The following SEC14L1 variants were observed in gnomAD, a reference collection of about 807,000 sequenced individuals.
The protein encoded by SEC14L1 is SEC14-like protein 1.
SEC14L1 carries 48 observed loss-of-function variants against 85.3 expected under a neutral mutation model. That is an observed-to-expected ratio of 0.56 (90% confidence interval 0.45 to 0.72). The LOEUF (loss-of-function observed/expected upper bound fraction) is 0.72, where lower values mean the gene tolerates loss of function less well. Among genes scored for constraint, SEC14L1 ranks in the 30% least tolerant of loss-of-function variants. The pLI is 0.00. For synonymous variants in SEC14L1, 391 were observed against 355.5 expected (o/e 1.10, Z -1.12); for missense variants, 682 against 921.4 (o/e 0.74, Z 3.36).
intron 3 of SEC14L1, among the ~76,000 whole-genome samples, chr17:77,127,260 G>A (rs1446622783): frequency 6.6e-6 from 1 of 152,092 alleles, no homozygotes; most frequent in African/African-American, 2.4e-5. Flanking sequence ...TCCTGGGTTA[G>A]TTTTCTGAGG....
In SEC14L1 at chr17:77,213,410, G is replaced by A. The variant is rs776943334; in HGVS notation, c.1960G>A (p.Asp654Asn). The change falls in exon 16 of 17, where the codon GAC becomes AAC. Residue 654 changes from aspartate to asparagine, a missense_variant. Around this residue, in one of 3 missense-constraint regions of SEC14L1, gnomAD observed 420 missense variants for 619.5 expected, o/e 0.68. Transcript: ENST00000436233. This position sits in a 1 kb window ranked among gnomAD's most constrained non-coding sequence, Gnocchi z 7.1. The part of the protein sequence containing the change: ...CAASSLPRVD[D>N]VLASLQVSSH... ...CGCCAGCAGCCTTCCCCGGGTGGAC[G>A]ACGTGCTTGCGTCCCTGCAGGTCTC... The A allele has an allele frequency of 3.5e-5, 57 of 1,613,274 alleles. No homozygotes were observed. Among genetic ancestry groups the A allele is most frequent in the Non-Finnish European group, 4.5e-5 (53 of 1,180,026 alleles).
At chr17:77,177,523 GA>G (rs1974814502) in intron 3 of SEC14L1, among the ~76,000 whole-genome samples, 1 of 151,880 alleles carries the variant, frequency 6.6e-6, no homozygotes, top group Admixed American at 6.6e-5. Context: ...TACTTTAAGA[GA>G]AAATATTCCA....
At position 77,095,511 on chromosome 17, in the gene SEC14L1, G is replaced by A. The variant is rs188746851; in HGVS notation, c.-136+2164G>A. Among the ~76,000 whole-genome samples the A allele has an allele frequency of 3.1e-3, 468 of 152,302 alleles. 2 individuals carry two copies. Among genetic ancestry groups the A allele is most frequent in the Middle Eastern group, 6.8e-3 (2 of 294 alleles). On this transcript the variant is annotated intron_variant, in intron 3 of 19. Coordinates refer to the SEC14L1 transcript ENST00000392476. ...CAATGAACCTGCTTGCCTTTTCTCT[G>A]TCACTAGACCCCAAGACAATGAAGA...
intron 3 of SEC14L1, among the ~76,000 whole-genome samples, chr17:77,170,065 T>C (rs1291159327): frequency 6.6e-6 from 1 of 152,182 alleles, no homozygotes; most frequent in East Asian, 1.9e-4. Context: ...CAAAGGTACT[T>C]TTCTGAAGAG....
At chr17:77,105,411 G>T (rs1319747296) in intron 3 of SEC14L1, among the ~76,000 whole-genome samples, 1 of 123,740 alleles carries the variant, frequency 8.1e-6, no homozygotes, top group Non-Finnish European at 1.6e-5. Context: ...GTTCAAGGAG[G>T]TCCCATTTGC....
chr17:77,097,521 G>A (rs959954421), intron 3 of SEC14L1, among the ~76,000 whole-genome samples: 2 of 151,058 alleles, frequency 1.3e-5, no homozygotes, highest in Non-Finnish European at 2.9e-5. Context: ...CCGGGATTGT[G>A]CCACTGCACT....
chr17:77,212,350 A>G, intron 15 of SEC14L1, 149 bp downstream of exon 15: 2 of 1,154,612 alleles, frequency 1.7e-6, no homozygotes, highest in Non-Finnish European at 2.4e-6. Context: ...CTGGAGGAGC[A>G]GGAAGCCAAG....
At chr17:77,169,793 A>C (rs2143679724) in intron 3 of SEC14L1, among the ~76,000 whole-genome samples, 1 of 152,288 alleles carries the variant, frequency 6.6e-6, no homozygotes, top group Non-Finnish European at 1.5e-5. Flanking sequence ...GACCTAGGGT[A>C]GGCTTGGTGT....
chr17:77,095,742 A>G (rs912687263), intron 3 of SEC14L1, among the ~76,000 whole-genome samples: 2 of 152,044 alleles, frequency 1.3e-5, no homozygotes, highest in African/African-American at 2.4e-5. Context: ...AGTTGAACCC[A>G]GGAGACAGAG....
chr17:77,193,378 G>T, intron 5 of SEC14L1, 43 bp from the exon 6 acceptor site: 1 of 1,545,444 alleles, frequency 6.5e-7, no homozygotes, highest in Non-Finnish European at 8.8e-7. Context: ...ATGATATTCT[G>T]TTGTCAATTC....
chr17:77,206,928 T>C lies in SEC14L1; in HGVS notation c.1476+66T>C. 2.8e-6 allele frequency: 4 copies of C among 1,406,982 alleles called. No individual in the cohort carries two copies. The highest frequency in any genetic ancestry group is 1.9e-6 in the Non-Finnish European group (2 of 1,061,934). The allele number at this position is 1,406,982 out of a possible 1,614,324, so 87.2% of individuals were successfully genotyped here. On this transcript the variant is annotated intron_variant, in intron 13 of 16. Transcript: ENST00000436233. The surrounding 1 kb of genome is among the most constrained non-coding windows in gnomAD (Gnocchi z 4.3). ...GCAGGTGGGAGAGGTCGGTGTCGAT[T>C]TGCACAAATGATTTTCAGAACTTCC...
chr17:77,130,622 CTATT>C (rs1049950139), intron 3 of SEC14L1, among the ~76,000 whole-genome samples: 12 of 150,202 alleles, frequency 8.0e-5, no homozygotes, highest in East Asian at 8.0e-4. Context: ...TGAGCCCAGC[CTATT>C]TATTTATTTT....
At chr17:77,092,498 A>G (rs1407221824) in intron 2 of SEC14L1, among the ~76,000 whole-genome samples, 1 of 152,146 alleles carries the variant, frequency 6.6e-6, no homozygotes, top group African/African-American at 2.4e-5. Flanking sequence ...AGCTGTACTG[A>G]GTAATATGTG....
At chr17:77,163,757 A>T (rs1335236800) in intron 3 of SEC14L1, among the ~76,000 whole-genome samples, 7 of 152,218 alleles carry the variant, frequency 4.6e-5, no homozygotes. Context: ...TCTCTTTCTC[A>T]TAAAACCCCC....
chr17:77,163,177 T>C (rs1473346180), intron 3 of SEC14L1, among the ~76,000 whole-genome samples: 2 of 151,980 alleles, frequency 1.3e-5, no homozygotes, highest in Non-Finnish European at 2.9e-5. Context: ...TCTCAGCGAG[T>C]ATAGAGTCTG....
chr17:77,175,865 C>G (rs1367979385), intron 3 of SEC14L1, among the ~76,000 whole-genome samples: 1 of 152,028 alleles, frequency 6.6e-6, no homozygotes, highest in Non-Finnish European at 1.5e-5. Flanking sequence ...TCTTTAATTT[C>G]CGGCCTCCGT....
chr17:77,140,499 G>C (rs896556714), upstream of SEC14L1, among the ~76,000 whole-genome samples: 1 of 152,260 alleles, frequency 6.6e-6, no homozygotes, highest in Non-Finnish European at 1.5e-5. Context: ...GGGGGCAGCC[G>C]CCAGGGCGAC....
At chr17:77,127,647 G>C (rs766914268) in intron 3 of SEC14L1, among the ~76,000 whole-genome samples, 1 of 152,192 alleles carries the variant, frequency 6.6e-6, no homozygotes, top group Non-Finnish European at 1.5e-5. Context: ...ACCACGCCTG[G>C]CCAAGGGGTT....
At chr17:77,204,447 T>TGATCTCAGGTGATCCTCCC (rs1976354287) in intron 10 of SEC14L1, among the ~76,000 whole-genome samples, 1 of 150,928 alleles carries the variant, frequency 6.6e-6, no homozygotes, top group Non-Finnish European at 1.5e-5. Flanking sequence ...CTCGAACTCC[T>TGATCTCAGGTGATCCTCCC]GATCTCAGGT....
Sources: allele counts gnomAD v4.1 joint callset (sites outside exome capture counted in the v4.1 genomes callset), GRCh38; gene constraint gnomAD v4.1.1; regional missense constraint gnomAD v4.1.1; non-coding constraint Gnocchi (gnomAD v3.1); transcripts MANE v1.5; gene names NCBI Gene and HGNC (gene_info 2026-07-23, HGNC 2026-07-21).